The following CECR2 variants were observed in gnomAD, a reference collection of about 807,000 sequenced individuals.
CECR2 encodes chromatin remodeling regulator CECR2.
In CECR2, 30 loss-of-function variants were observed where a neutral mutation model predicts 154.5. That is an observed-to-expected ratio of 0.19 (90% CI 0.15 to 0.26). The LOEUF is 0.26. Ranked by LOEUF, CECR2 falls within the 10% of genes least tolerant of loss-of-function variation. The pLI is 1.00. For synonymous variants in CECR2, 725 were observed against 683.7 expected (o/e 1.06, Z -0.94); for missense variants, 1,743 against 1,829.3 (o/e 0.95, Z 0.86).
intron 3 of CECR2, 147 bp downstream of exon 3, chr22:17,497,733 GA>G: frequency 1.4e-6 from 1 of 721,160 alleles, no homozygotes; most frequent in Non-Finnish European, 2.3e-6. Flanking sequence ...ACACTGTATG[GA>G]AAACCATGAC....
At chr22:17,500,367 T>A in intron 4 of CECR2, among the ~76,000 whole-genome samples, 1 of 152,160 alleles carries the variant, frequency 6.6e-6, no homozygotes, top group South Asian at 2.1e-4. Context: ...TGCTAACCTC[T>A]TATTTAGGCT....
intron 2 of CECR2, among the ~76,000 whole-genome samples, chr22:17,494,312 A>G (rs1384867482): frequency 6.6e-6 from 1 of 152,106 alleles, no homozygotes; most frequent in African/African-American, 2.4e-5. Flanking sequence ...TCGGCCTCCC[A>G]AAGTGCTGGG....
chr22:17,511,775 T>A lies in CECR2; in HGVS notation c.871-38T>A, dbSNP rs1601489644. ...GCATCAGTAGTTGAGAACACCCTAA[T>A]CTATCTTTTCCTTTCTCTTCTTCAC... On this transcript the variant is annotated intron_variant, in intron 7 of 18. Coordinates refer to ENST00000262608, the MANE Select transcript of CECR2 (RefSeq NM_001290047.2). 6 of 1,567,670 alleles carry A rather than the reference T, an allele frequency of 3.8e-6. No individual in the cohort carries two copies. In the East Asian group the frequency reaches 1.4e-4, roughly 35 times the overall value.
At chr22:17,370,636 C>T (rs1289814598) in intron 1 of CECR2, among the ~76,000 whole-genome samples, 2 of 152,096 alleles carry the variant, frequency 1.3e-5, no homozygotes, top group Non-Finnish European at 2.9e-5. Flanking sequence ...CGGGCGAGCG[C>T]GGAGGACGGG....
chr22:17,449,575 T>C (rs997533123), intron 1 of CECR2, among the ~76,000 whole-genome samples: 4 of 144,802 alleles, frequency 2.8e-5, no homozygotes, highest in Non-Finnish European at 4.5e-5. Flanking sequence ...CTGCAAGCTC[T>C]GCCTCCCAGG....
At chr22:17,451,338 C>G (rs1355605976) in intron 1 of CECR2, among the ~76,000 whole-genome samples, 4 of 152,128 alleles carry the variant, frequency 2.6e-5, no homozygotes, top group Non-Finnish European at 5.9e-5. Flanking sequence ...ACAAAAATAA[C>G]TGATTAGGGA....
chr22:17,374,002 A>G (rs2063089713), intron 1 of CECR2, among the ~76,000 whole-genome samples: 1 of 152,240 alleles, frequency 6.6e-6, no homozygotes, highest in African/African-American at 2.4e-5. Context: ...TGCGCTGTAC[A>G]GTAAATACAG....
At chr22:17,423,179 T>G (rs372979873) in intron 1 of CECR2, among the ~76,000 whole-genome samples, 12 of 152,210 alleles carry the variant, frequency 7.9e-5, no homozygotes, top group African/African-American at 2.4e-4. Context: ...AGTCTTAGGA[T>G]TAGGTCTCAG....
At chr22:17,429,026 G>A (rs2054378018) in intron 1 of CECR2, among the ~76,000 whole-genome samples, 3 of 152,078 alleles carry the variant, frequency 2.0e-5, no homozygotes, top group Admixed American at 1.3e-4. Flanking sequence ...CCAGTGCTCA[G>A]ATAACTGCCT....
intron 5 of CECR2, 56 bp downstream of exon 5, chr22:17,500,791 AT>A: frequency 8.2e-7 from 1 of 1,217,210 alleles, no homozygotes; most frequent in Non-Finnish European, 1.1e-6. Flanking sequence ...ACCTTAATTC[AT>A]TTATTCCTTT....
upstream of CECR2, among the ~76,000 whole-genome samples, chr22:17,365,091 G>C (rs146878887): frequency 3.8e-3 from 572 of 152,162 alleles, 2 homozygotes; most frequent in Middle Eastern, 6.8e-3. Flanking sequence ...AGGCGTGGTG[G>C]TGCGTGCCTG....
chr22:17,447,347 G>T (rs1243307217), intron 1 of CECR2, among the ~76,000 whole-genome samples: 1 of 152,048 alleles, frequency 6.6e-6, no homozygotes, highest in Admixed American at 6.5e-5. Context: ...TAGACACGGG[G>T]TTTCATCGTG....
chr22:17,444,057 A>C (rs1363437210), intron 1 of CECR2, among the ~76,000 whole-genome samples: 1 of 152,202 alleles, frequency 6.6e-6, no homozygotes, highest in Admixed American at 6.5e-5. Context: ...GTGCAGGCAC[A>C]CATACGCACT....
intron 1 of CECR2, among the ~76,000 whole-genome samples, chr22:17,414,778 C>T (rs1427593649): frequency 2.6e-5 from 4 of 151,812 alleles, no homozygotes; most frequent in Non-Finnish European, 4.4e-5. Context: ...CTCTCTAGGA[C>T]GGGAGAAAAA....
chr22:17,542,030 G>A, intron 15 of CECR2, 63 bp downstream of exon 15: 1 of 1,581,658 alleles, frequency 6.3e-7, no homozygotes, highest in Non-Finnish European at 8.6e-7. Context: ...CAGAGAAAAA[G>A]TCTCTTTCCA....
chr22:17,385,500 AAC>A (rs2063247440), intron 1 of CECR2, among the ~76,000 whole-genome samples: 1 of 152,210 alleles, frequency 6.6e-6, no homozygotes, highest in Non-Finnish European at 1.5e-5. Context: ...GAGCAGACAG[AAC>A]ACACGCATTT....
rs73876442 is a variant in CECR2, at chr22:17,438,593, C to T, written c.127-38995C>T. Among the ~76,000 whole-genome samples, 1,423 of 151,870 alleles carry T rather than the reference C, an allele frequency of 9.4e-3. 23 individuals are homozygous for T. Among genetic ancestry groups the T allele is most frequent in the African/African-American group, 0.031 (1,295 of 41,262 alleles). On this transcript the variant is annotated intron_variant, in intron 1 of 18. Transcript: ENST00000262608. Reference sequence around the variant, plus strand: ...GCTTTGAATGAGGCCAACACAAATTCGTAAACTTTCTTAAAACATTATGAG... The same window carrying T: ...GCTTTGAATGAGGCCAACACAAATTTGTAAACTTTCTTAAAACATTATGAG...
chr22:17,502,325 T>G (rs759222188), intron 5 of CECR2, among the ~76,000 whole-genome samples: 1 of 152,300 alleles, frequency 6.6e-6, no homozygotes, highest in Admixed American at 6.5e-5. Context: ...TTATAATAAA[T>G]ACACCTGTCT....
rs116585878 is a variant in CECR2, at chr22:17,403,213, C to A, written c.126+33304C>A. ...CTGCTCAAATTATTTCAAGCTTTGG[C>A]CATTGGAAATTCTTTCAGGTTGACT... On this transcript the variant is annotated intron_variant, in intron 1 of 18. Transcript: ENST00000262608. Among the ~76,000 whole-genome samples, 1,272 of 152,266 alleles carry A rather than the reference C, an allele frequency of 8.4e-3. 16 individuals carry two copies. The highest frequency in any genetic ancestry group is 0.028 in the African/African-American group (1,170 of 41,564).
Sources: allele counts gnomAD v4.1 joint callset (sites outside exome capture counted in the v4.1 genomes callset), GRCh38; gene constraint gnomAD v4.1.1; transcripts MANE v1.5; gene names NCBI Gene and HGNC (gene_info 2026-07-23, HGNC 2026-07-21).